Variants in MDM2 observed in about 807,000 individuals in gnomAD.
The protein encoded by MDM2 is E3 ubiquitin-protein ligase Mdm2.
MDM2 carries 11 observed loss-of-function variants against 64.3 expected under a neutral mutation model. The ratio of observed to expected loss-of-function variants is 0.17; its 90% confidence interval spans 0.11 to 0.28. The LOEUF is 0.28. MDM2 is among the 10% of genes least tolerant of loss of function. The pLI is 1.00. For missense variants in MDM2, 388 were observed against 577.1 expected (o/e 0.67, Z 3.36); for synonymous variants, 194 against 192.9 (o/e 1.01, Z -0.05).
At chr12:68,831,531 C>T (rs1380479685) in intron 8 of MDM2, among the ~76,000 whole-genome samples, 1 of 152,162 alleles carries the variant, frequency 6.6e-6, no homozygotes. Flanking sequence ...AAGAGGACAA[C>T]GGTGGGAATC....
rs909810624 is a variant in MDM2 at position 68,809,277 on chromosome 12, G to A, written c.84G>A (p.Ser28=). 1 of 1,613,890 alleles carries A rather than the reference G, an allele frequency of 6.2e-7. No homozygotes were observed. Reference sequence around the variant, plus strand: ...TAACCACCTCACAGATTCCAGCTTCGGAACAAGAGACCCTGGTTAGTATTT... The same window carrying A: ...TAACCACCTCACAGATTCCAGCTTCAGAACAAGAGACCCTGGTTAGTATTT... The part of the protein sequence containing the change: ...GAVTTSQIPA[S]EQETLVRPKP... The change falls in exon 2 of 11, where the codon TCG becomes TCA. Residue 28 remains serine, a synonymous_variant. Coordinates refer to ENST00000258149, the MANE Select transcript of MDM2 (RefSeq NM_002392.6).
Position 68,845,443 on chromosome 12 carries a change from G to A in MDM2, c.*5594G>A, listed in dbSNP as rs79245792. 0.025 allele frequency: 5,146 copies of A among 208,096 alleles called. 278 individuals carry two copies. The highest frequency in any genetic ancestry group is 0.11 in the African/African-American group (4,787 of 43,892). 12.9% of individuals were successfully genotyped at this position (208,096 alleles called of 1,614,324 possible). ...ACCGTAAAGCAAGCAGATGGGAGGC[G>A]TGTTCAGTAACTTATTCATAATGCA... On this transcript the variant is annotated 3_prime_UTR_variant, in exon 11 of 11. Coordinates refer to ENST00000258149, the MANE Select transcript of MDM2 (RefSeq NM_002392.6).
At chr12:68,816,684 T>G in intron 3 of MDM2, 128 bp from the exon 4 acceptor site, 3 of 810,142 alleles carry the variant, frequency 3.7e-6, no homozygotes, top group Admixed American at 3.6e-5. Context: ...ACAAAATGGT[T>G]GTTCTACATA....
chr12:68,833,149 A>AATATATATATATATATATAT (rs57734852), intron 8 of MDM2, among the ~76,000 whole-genome samples: 6 of 65,956 alleles, frequency 9.1e-5, no homozygotes, highest in African/African-American at 3.7e-4. Flanking sequence ...AAAAAAAAAA[A>AATATATATATATATATATAT]ATATATATAT....
downstream of MDM2, chr12:68,847,452 C>CTTTCTTTTTTT (rs1555190285): frequency 1.1e-5 from 1 of 88,722 alleles, no homozygotes; most frequent in African/African-American, 5.6e-5. Context: ...TATCTCCTTT[C>CTTTCTTTTTTT]TTTTTTTTTT....
intron 5 of MDM2, among the ~76,000 whole-genome samples, chr12:68,823,403 A>G (rs1882033783): frequency 1.3e-5 from 2 of 152,154 alleles, no homozygotes; most frequent in African/African-American, 4.8e-5. Flanking sequence ...CAATCTGTTT[A>G]TCTTTCTAAA....
In MDM2 at chr12:68,842,561, C is replaced by A. The variant is rs1396164922; in HGVS notation, c.*2712C>A. On this transcript the variant is annotated 3_prime_UTR_variant, in exon 11 of 11. Coordinates refer to ENST00000258149, the MANE Select transcript of MDM2 (RefSeq NM_002392.6). ...AGATAATATGGATGTTTGATCGCAT[C>A]TCATTGTTAACTCTTTACTGATATG... 2.9e-6 allele frequency: 1 copy of A among 346,188 alleles called. No individual in the cohort carries two copies. Among genetic ancestry groups the A allele is most frequent in the Non-Finnish European group, 5.7e-6 (1 of 176,162 alleles). The allele number at this position is 346,188 out of a possible 1,614,324, so 21.4% of individuals were successfully genotyped here.
Position 68,835,990 on chromosome 12 carries a change from AT to A in MDM2, c.840+14del, listed in dbSNP as rs533467429. The A allele has an allele frequency of 4.2e-4, 664 of 1,586,510 alleles. 2 individuals carry two copies. The highest frequency in any genetic ancestry group is 1.3e-3 in the Middle Eastern group (8 of 5,928). The stretch of plus-strand genomic sequence containing the variant: ...TCTCAGATGAAGATGATGAGGTAGT[AT>A]TTTTTTTCCCCTCTAATTATATTGG... On this transcript the variant is annotated splice_region_variant and intron_variant, in intron 9 of 10. Coordinates refer to ENST00000258149, the MANE Select transcript of MDM2 (RefSeq NM_002392.6).
chr12:68,819,353 C>G (rs887615722), intron 4 of MDM2, among the ~76,000 whole-genome samples: 13 of 152,164 alleles, frequency 8.5e-5, no homozygotes, highest in Non-Finnish European at 1.6e-4. Context: ...AGGATATAAA[C>G]TTCATGAGGG....
intron 10 of MDM2, among the ~76,000 whole-genome samples, chr12:68,838,941 A>G (rs1883518774): frequency 6.6e-6 from 1 of 152,086 alleles, no homozygotes; most frequent in East Asian, 1.9e-4. Flanking sequence ...TAATTGAGAC[A>G]TATAACGTGA....
At chr12:68,810,777 C>T (rs1880817455) in intron 2 of MDM2, among the ~76,000 whole-genome samples, 1 of 149,242 alleles carries the variant, frequency 6.7e-6, no homozygotes, top group African/African-American at 2.5e-5. Context: ...ATTATTATTA[C>T]TATTTTTTTG....
At chr12:68,833,318 A>AAAATATAATTATATAAATATATATAT (rs1565744160) in intron 8 of MDM2, among the ~76,000 whole-genome samples, 14 of 95,998 alleles carry the variant, frequency 1.5e-4, no homozygotes, top group African/African-American at 5.3e-4. Flanking sequence ...TAAAAATATA[A>AAAATATAATTATATAAATATATATAT]TTATATAAAT....
intron 4 of MDM2, 31 bp downstream of exon 4, chr12:68,816,976 G>C (rs983653808): frequency 1.2e-6 from 2 of 1,603,142 alleles, no homozygotes; most frequent in African/African-American, 2.7e-5. Flanking sequence ...ATTGTAAAAA[G>C]CCATCTGGGC....
rs368226930 is a variant in MDM2 at position 68,808,441 on chromosome 12, C to G, written c.-37C>G. ...CGCCCCGTGAAGGAAACTGGGGAGT[C>G]TTGAGGGACCCCCGACTCCAAGCGC... On this transcript the variant is annotated 5_prime_UTR_variant, in exon 1 of 11. Transcript: ENST00000258149. 17 of 1,613,994 alleles carry G rather than the reference C, an allele frequency of 1.1e-5. No homozygotes were observed. The African/African-American group carries it at 2.1e-4, about 20-fold the overall frequency.
intron 4 of MDM2, among the ~76,000 whole-genome samples, chr12:68,817,783 C>G (rs1703919448): frequency 6.6e-6 from 1 of 151,778 alleles, no homozygotes; most frequent in African/African-American, 2.4e-5. Flanking sequence ...ATATATTTTT[C>G]TAAAATTATT....
intron 8 of MDM2, among the ~76,000 whole-genome samples, chr12:68,833,610 ATAGTTAAT>A (rs1246621919): frequency 1.3e-5 from 2 of 151,710 alleles, no homozygotes; most frequent in Non-Finnish European, 2.9e-5. Context: ...AAAGAGCCAC[ATAGTTAAT>A]TATTTGGGCT....
chr12:68,820,227 CTAAG>C (rs1297332042), intron 4 of MDM2, 94 bp from the exon 5 acceptor site: 1 of 869,024 alleles, frequency 1.2e-6, no homozygotes, highest in African/African-American at 1.7e-5. Context: ...GTAGTTCATA[CTAAG>C]TATGTATGTA....
chr12:68,839,590 G>T lies in MDM2; in HGVS notation c.1235G>T (p.Ser412Ile), dbSNP rs754521846. ...TCAACTTCTAGTAGCATTATTTATA[G>T]CAGCCAAGAAGATGTGAAAGAGTTT... ...QPSTSSSIIY[S>I]SQEDVKEFER... is the part of the protein sequence containing the mutation. The change falls in exon 11 of 11, where the codon AGC (serine) becomes ATC (isoleucine). Residue 412 changes from serine (S) to isoleucine (I), a missense_variant. Ser to Ile is a moderately radical substitution (Grantham distance 142, BLOSUM62 -2). Coordinates refer to ENST00000258149, the MANE Select transcript of MDM2 (RefSeq NM_002392.6). 3 of 1,613,648 alleles carry T rather than the reference G, an allele frequency of 1.9e-6. No homozygotes were observed. The highest frequency in any genetic ancestry group is 1.7e-6 in the Non-Finnish European group (2 of 1,180,014).
chr12:68,849,616 G>A (rs1019432400), downstream of MDM2: 1 of 151,644 alleles, frequency 6.6e-6, no homozygotes, highest in African/African-American at 2.4e-5. Context: ...CACCATGCTA[G>A]CCTTGAACTC....
Sources: gnomAD v4.1 joint callset for allele counts (sites outside exome capture counted in the v4.1 genomes callset) on GRCh38, gnomAD v4.1.1 for gene constraint, MANE v1.5 for transcripts, NCBI Gene and HGNC (gene_info 2026-07-23, HGNC 2026-07-21) for gene names.